The following FHAD1 variants were observed in gnomAD, a reference collection of about 807,000 sequenced individuals.
FHAD1 encodes the protein forkhead-associated domain-containing protein 1.
FHAD1 carries 146 observed loss-of-function variants against 191.3 expected under a neutral mutation model. That is an observed-to-expected ratio of 0.76 (90% CI 0.67 to 0.88). The LOEUF (loss-of-function observed/expected upper bound fraction) is 0.88, where lower values mean the gene tolerates loss of function less well. Ranked by LOEUF, FHAD1 falls within the 40% of genes least tolerant of loss-of-function variation. The pLI is 0.00. For synonymous variants in FHAD1, 616 were observed against 672.3 expected (o/e 0.92, Z 1.29); for missense variants, 1,635 against 1,785.8 (o/e 0.92, Z 1.52).
At chr1:15,296,278 G>T (rs1440558680) in intron 4 of FHAD1, among the ~76,000 whole-genome samples, 1 of 138,548 alleles carries the variant, frequency 7.2e-6, no homozygotes, top group African/African-American at 2.7e-5. Flanking sequence ...TTTTGAGACA[G>T]AGTCTCGCTC....
At chr1:15,294,897 C>T (rs1666405408) in intron 4 of FHAD1, among the ~76,000 whole-genome samples, 2 of 152,048 alleles carry the variant, frequency 1.3e-5, no homozygotes, top group Admixed American at 1.3e-4. Flanking sequence ...AAGGCCGCAG[C>T]TCTAAGGCCG....
At chr1:15,367,645 T>TG (rs1296415369) in intron 25 of FHAD1, 23 bp downstream of exon 25, 52 of 317,532 alleles carry the variant, frequency 1.6e-4, no homozygotes, top group Middle Eastern at 1.7e-3. Flanking sequence ...GGGGCCGGGT[T>TG]GGGGGGATGG....
intron 20 of FHAD1, among the ~76,000 whole-genome samples, chr1:15,354,241 T>A (rs1691930502): frequency 6.6e-6 from 1 of 152,174 alleles, no homozygotes; most frequent in Non-Finnish European, 1.5e-5. Flanking sequence ...TCTGACCCCC[T>A]GGGTGGAGGA....
At chr1:15,339,978 A>G (rs1685872952) in intron 15 of FHAD1, among the ~76,000 whole-genome samples, 1 of 152,110 alleles carries the variant, frequency 6.6e-6, no homozygotes, top group Non-Finnish European at 1.5e-5. Context: ...GGCGCCTGCC[A>G]CCATGTGTTG....
chr1:15,251,823 C>T lies in FHAD1; in HGVS notation c.39C>T (p.Val13=). 1 of 1,551,974 alleles carries T rather than the reference C, an allele frequency of 6.4e-7. No homozygotes were observed. The highest frequency in any genetic ancestry group is 8.7e-7 in the Non-Finnish European group (1 of 1,147,044). ...AYLKSAEGFF[V]LNKSTTIGRH... The stretch of plus-strand genomic sequence containing the variant: ...TAAAGAGCGCAGAAGGCTTTTTTGT[C>T]CTAAATAAAAGTACCACAATTGGAA... Residue 13 remains valine, a synonymous_variant, in exon 2 of 34, where the codon GTC becomes GTT. Transcript: ENST00000688493.
In FHAD1 at chr1:15,367,473, C is replaced by T. The variant is rs1011956283; in HGVS notation, c.3165C>T (p.Asn1055=). 5.2e-6 allele frequency: 8 copies of T among 1,550,982 alleles called. No homozygotes were observed. The highest frequency in any genetic ancestry group is 2.7e-5 in the African/African-American group (2 of 72,970). The change falls in exon 25 of 34, where the codon AAC becomes AAT. Residue 1055 remains asparagine (N), a synonymous_variant. Transcript: ENST00000688493. ...SRMSDLRGEL[N]EKQKMELEQN... ...TCCTGTCACTCGCAGGGGAGCTAAA[C>T]GAGAAGCAGAAGATGGAACTGGAGC... is the stretch of plus-strand genomic sequence containing the variant.
intron 4 of FHAD1, among the ~76,000 whole-genome samples, chr1:15,290,744 T>C (rs1664331198): frequency 6.6e-6 from 1 of 151,026 alleles, no homozygotes; most frequent in Non-Finnish European, 1.5e-5. Context: ...CAGGCTGGAG[T>C]GCAGTGGCAG....
chr1:15,375,750 T>C lies in FHAD1; in HGVS notation c.3705+20T>C, dbSNP rs1699396857. 6.6e-7 allele frequency: 1 copy of C among 1,523,868 alleles called. No individual in the cohort carries two copies. The highest frequency in any genetic ancestry group is 8.8e-7 in the Non-Finnish European group (1 of 1,137,068). The allele number at this position is 1,523,868 out of a possible 1,614,324, so 94.4% of individuals were successfully genotyped here. On this transcript the variant is annotated intron_variant, in intron 28 of 33. Coordinates refer to ENST00000688493, the MANE Select transcript of FHAD1 (RefSeq NM_001391957.1). ...CTAGCGGTAACCAAAGAAAATTCTCTCTGCTGTGACTGGCATGTGGAGAGG... is the reference window on the plus strand; with the variant it reads ...CTAGCGGTAACCAAAGAAAATTCTCCCTGCTGTGACTGGCATGTGGAGAGG...
intron 15 of FHAD1, among the ~76,000 whole-genome samples, chr1:15,340,799 A>C (rs550824797): frequency 6.6e-6 from 1 of 152,292 alleles, no homozygotes; most frequent in African/African-American, 2.4e-5. Flanking sequence ...GACCATATTC[A>C]TACCTCTTCC....
chr1:15,382,252 A>G (rs912615200), intron 31 of FHAD1, 59 bp downstream of exon 31: 13 of 1,517,812 alleles, frequency 8.6e-6, no homozygotes, highest in African/African-American at 6.9e-5. Flanking sequence ...CCCATTAGCA[A>G]TGGCCGAGGG....
Position 15,320,776 on chromosome 1 carries a change from T to C in FHAD1, c.1365+2848T>C, listed in dbSNP as rs185341167. Among the ~76,000 whole-genome samples the C allele has an allele frequency of 4.2e-3, 641 of 152,352 alleles. 3 individuals are homozygous for C. Among genetic ancestry groups the C allele is most frequent in the African/African-American group, 0.012 (486 of 41,580 alleles). On this transcript the variant is annotated intron_variant, in intron 10 of 33. Transcript: ENST00000688493. ...TCATGTGAACAGCACATAGGTTTTA[T>C]ACAGTTTGACCATCTTTGTCTTTCA...
At chr1:15,287,326 C>G (rs1662824156) in intron 3 of FHAD1, among the ~76,000 whole-genome samples, 1 of 152,178 alleles carries the variant, frequency 6.6e-6, no homozygotes, top group South Asian at 2.1e-4. Flanking sequence ...TCCATTCTCA[C>G]ACTGCTATAA....
chr1:15,395,076 G>A (rs146806456), intron 33 of FHAD1, among the ~76,000 whole-genome samples: 10 of 152,276 alleles, frequency 6.6e-5, no homozygotes, highest in African/African-American at 2.2e-4. Context: ...CACTTTGGGA[G>A]GCCGAGATGG....
chr1:15,270,925 G>C (rs1655626548), intron 2 of FHAD1, among the ~76,000 whole-genome samples: 1 of 151,952 alleles, frequency 6.6e-6, no homozygotes, highest in Non-Finnish European at 1.5e-5. Context: ...GGACCACGAG[G>C]TCAGGAGATG....
Position 15,312,923 on chromosome 1 carries a change from C to A in FHAD1, c.1040-134C>A. On this transcript the variant is annotated intron_variant, in intron 7 of 33. Coordinates refer to ENST00000688493, the MANE Select transcript of FHAD1 (RefSeq NM_001391957.1). This position sits in a 1 kb window ranked among gnomAD's most constrained non-coding sequence, Gnocchi z 4.7. ...ATGTGCAGTGGATATTGGTCTCAAC[C>A]CCATTCAAGCTCCTGGGATCCTTGG... 9.2e-7 allele frequency: 1 copy of A among 1,088,802 alleles called. No individual in the cohort carries two copies. Among genetic ancestry groups the A allele is most frequent in the Non-Finnish European group, 1.3e-6 (1 of 759,730 alleles). The allele number at this position is 1,088,802 out of a possible 1,614,324, so 67.4% of individuals were successfully genotyped here.
At chr1:15,334,926 G>C (rs1302697899) in intron 14 of FHAD1, among the ~76,000 whole-genome samples, 4 of 152,128 alleles carry the variant, frequency 2.6e-5, no homozygotes, top group Non-Finnish European at 1.5e-5. Flanking sequence ...CTCGGGTCCC[G>C]GCTGCCAAGT....
chr1:15,372,989 A>G (rs1570391552), intron 26 of FHAD1, among the ~76,000 whole-genome samples: 1 of 152,338 alleles, frequency 6.6e-6, no homozygotes, highest in South Asian at 2.1e-4. Flanking sequence ...CAATCCCCAG[A>G]GCCTAGAATA....
In FHAD1 at chr1:15,253,101, C is replaced by G. The variant is rs146985104; in HGVS notation, c.93+1224C>G. Among the ~76,000 whole-genome samples the G allele has an allele frequency of 1.7e-4, 26 of 151,524 alleles. No individual in the cohort carries two copies. In the East Asian group the frequency reaches 4.9e-3, roughly 28 times the overall value. ...CCCAGTTTCCTCCAGTGGTTACTTA[C>G]TATGTGTGACTATAACAATATCAAA... is the stretch of plus-strand genomic sequence containing the variant. On this transcript the variant is annotated intron_variant, in intron 2 of 33. Transcript: ENST00000688493.
chr1:15,308,654 G>C lies in FHAD1; in HGVS notation c.957G>C (p.Gln319His). The C allele has an allele frequency of 6.4e-7, 1 of 1,551,758 alleles. No individual in the cohort carries two copies. Among genetic ancestry groups the C allele is most frequent in the Non-Finnish European group, 8.7e-7 (1 of 1,147,006 alleles). ...LQKGYSKVLC[Q>H]TLSERNSEIT... ...AAGGCTACAGCAAGGTGCTGTGCCA[G>C]ACCCTGTCAGAGCGGAACTCAGAAA... The change falls in exon 7 of 34, where the codon CAG becomes CAC. Residue 319 changes from glutamine to histidine, a missense_variant. By Grantham distance (24) the Gln-to-His change is conservative. Transcript: ENST00000688493.
Sources: allele counts gnomAD v4.1 joint callset (sites outside exome capture counted in the v4.1 genomes callset), GRCh38; gene constraint gnomAD v4.1.1; non-coding constraint Gnocchi (gnomAD v3.1); transcripts MANE v1.5; gene names NCBI Gene and HGNC (gene_info 2026-07-23, HGNC 2026-07-21).